The following ATE1 variants were observed in gnomAD, a reference collection of about 807,000 sequenced individuals.
The protein encoded by ATE1 is arginyl-tRNA--protein transferase 1.
ATE1 carries 36 observed loss-of-function variants against 70.5 expected under a neutral mutation model. That is an observed-to-expected ratio of 0.51 (90% CI 0.39 to 0.67). The LOEUF is 0.67. Ranked by LOEUF, ATE1 falls within the 30% of genes least tolerant of loss-of-function variation. The pLI, the probability that ATE1 is intolerant of heterozygous loss-of-function variation, is 0.00. For missense variants in ATE1, 593 were observed against 629.5 expected (o/e 0.94, Z 0.62); for synonymous variants, 232 against 219.3 (o/e 1.06, Z -0.51).
rs1944192156 is a variant in ATE1, at chr10:121,742,845, T to TA, written c.*834dup. The TA allele has an allele frequency of 6.6e-6, 1 of 152,218 alleles. No individual in the cohort carries two copies. The highest frequency in any genetic ancestry group is 1.5e-5 in the Non-Finnish European group (1 of 68,022). 9.4% of individuals were successfully genotyped at this position (152,218 alleles called of 1,614,324 possible). Reference sequence around the variant, plus strand: ...AAGACAAATGTCCTGAGTTGTAAGATAAAAAACTAGTGACTATTTATTTCC... The same window carrying TA: ...AAGACAAATGTCCTGAGTTGTAAGATAAAAAAACTAGTGACTATTTATTTCC... On this transcript the variant is annotated 3_prime_UTR_variant, in exon 12 of 12. Coordinates refer to ENST00000224652, the MANE Select transcript of ATE1 (RefSeq NM_001001976.3).
At chr10:121,765,875 G>A (rs1053527051) in intron 11 of ATE1, among the ~76,000 whole-genome samples, 18 of 151,804 alleles carry the variant, frequency 1.2e-4, no homozygotes, top group African/African-American at 4.4e-4. Flanking sequence ...AATCTGTGGG[G>A]GCTAAAAAAA....
intron 1 of ATE1, among the ~76,000 whole-genome samples, chr10:121,925,274 G>A (rs780269092): frequency 1.3e-5 from 2 of 151,942 alleles, no homozygotes; most frequent in Non-Finnish European, 2.9e-5. Flanking sequence ...CACAAAATTA[G>A]CCGGGAATGG....
chr10:121,905,599 T>C (rs995700923), intron 5 of ATE1, among the ~76,000 whole-genome samples: 2 of 152,156 alleles, frequency 1.3e-5, no homozygotes, highest in African/African-American at 4.8e-5. Flanking sequence ...CCCAGCACTT[T>C]GGAAGGCCGA....
At chr10:121,791,588 C>T (rs1049223672) in intron 10 of ATE1, among the ~76,000 whole-genome samples, 1 of 152,068 alleles carries the variant, frequency 6.6e-6, no homozygotes, top group African/African-American at 2.4e-5. Context: ...CCAAGTGTCT[C>T]GCTTCTAAAT....
chr10:121,794,243 CT>C (rs2133312410), intron 10 of ATE1, among the ~76,000 whole-genome samples: 1 of 152,234 alleles, frequency 6.6e-6, no homozygotes, highest in East Asian at 1.9e-4. Flanking sequence ...TTAATTCCCC[CT>C]CATCACTCTT....
chr10:121,829,942 TGA>T, intron 10 of ATE1, among the ~76,000 whole-genome samples: 1 of 152,214 alleles, frequency 6.6e-6, no homozygotes, highest in Non-Finnish European at 1.5e-5. Flanking sequence ...ATCTCAAAAA[TGA>T]GAGATTTTAC....
upstream of ATE1, chr10:121,928,215 G>T: frequency 9.0e-6 from 12 of 1,333,458 alleles, no homozygotes; most frequent in Non-Finnish European, 1.2e-5. Context: ...GACAGAGCGG[G>T]AAGGGAAACA....
At chr10:121,928,185 C>T (rs1952183996), upstream of ATE1, 2 of 1,295,508 alleles carry the variant, frequency 1.5e-6, no homozygotes, top group Non-Finnish European at 2.0e-6. Context: ...CCGCCGTCGT[C>T]AGTGAGGGTG....
chr10:121,784,127 C>T (rs904644971), intron 11 of ATE1, among the ~76,000 whole-genome samples: 11 of 152,220 alleles, frequency 7.2e-5, no homozygotes, highest in Admixed American at 3.9e-4. Flanking sequence ...TACTTAGTTG[C>T]TAAATGGAAA....
At chr10:121,924,857 T>A (rs1480249816) in intron 1 of ATE1, among the ~76,000 whole-genome samples, 1 of 31,244 alleles carries the variant, frequency 3.2e-5, no homozygotes, top group African/African-American at 8.2e-5. Flanking sequence ...AAAAAACACA[T>A]CGAAGTTAAT....
At chr10:121,875,718 G>C (rs779760748) in intron 7 of ATE1, among the ~76,000 whole-genome samples, 1 of 152,090 alleles carries the variant, frequency 6.6e-6, no homozygotes, top group Non-Finnish European at 1.5e-5. Context: ...CCATGGCCAC[G>C]TAAGTCTGGG....
At chr10:121,799,054 TA>T (rs1946772389) in intron 10 of ATE1, among the ~76,000 whole-genome samples, 1 of 152,166 alleles carries the variant, frequency 6.6e-6, no homozygotes, top group African/African-American at 2.4e-5. Flanking sequence ...GCACAATTTT[TA>T]AATGTATTTT....
At chr10:121,777,016 T>C (rs1163738819) in intron 11 of ATE1, among the ~76,000 whole-genome samples, 1 of 152,234 alleles carries the variant, frequency 6.6e-6, no homozygotes, top group Admixed American at 6.5e-5. Context: ...ATGTAATGCA[T>C]TCTAGCTTTT....
intron 9 of ATE1, among the ~76,000 whole-genome samples, chr10:121,840,089 G>T (rs1029053703): frequency 3.3e-5 from 5 of 152,036 alleles, no homozygotes; most frequent in Non-Finnish European, 7.4e-5. Flanking sequence ...TATACACATA[G>T]ACAAACAGAA....
chr10:121,877,289 GA>G (rs556594185), intron 7 of ATE1, among the ~76,000 whole-genome samples: 1 of 152,024 alleles, frequency 6.6e-6, no homozygotes, highest in African/African-American at 2.4e-5. Context: ...ATGTTTAAGA[GA>G]AAAAAACACC....
At chr10:121,758,026 G>A (rs1401783310) in intron 11 of ATE1, among the ~76,000 whole-genome samples, 1 of 151,962 alleles carries the variant, frequency 6.6e-6, no homozygotes, top group Non-Finnish European at 1.5e-5. Context: ...CAGTTGCACA[G>A]TAACGGAAAT....
chr10:121,793,961 T>C (rs989490767), intron 10 of ATE1, among the ~76,000 whole-genome samples: 2 of 152,196 alleles, frequency 1.3e-5, no homozygotes, highest in Admixed American at 1.3e-4. Context: ...TACATTTACA[T>C]TTATGCTCCA....
chr10:121,847,423 G>A (rs1948871165), intron 8 of ATE1, among the ~76,000 whole-genome samples: 1 of 151,786 alleles, frequency 6.6e-6, no homozygotes, highest in African/African-American at 2.4e-5. Flanking sequence ...ACTCCAGCCT[G>A]GGTAACAGAG....
At chr10:121,815,810 C>T (rs1242734804) in intron 10 of ATE1, among the ~76,000 whole-genome samples, 1 of 152,210 alleles carries the variant, frequency 6.6e-6, no homozygotes, top group Non-Finnish European at 1.5e-5. Flanking sequence ...AACAGGGTTT[C>T]TCAACCTCAG....
Sources: allele counts gnomAD v4.1 joint callset (sites outside exome capture counted in the v4.1 genomes callset), GRCh38; gene constraint gnomAD v4.1.1; transcripts MANE v1.5; gene names NCBI Gene and HGNC (gene_info 2026-07-23, HGNC 2026-07-21).